KLRG2: variants seen among roughly 807,000 people sequenced by gnomAD.
KLRG2 encodes the protein killer cell lectin like receptor G2.
KLRG2 carries 39 observed loss-of-function variants against 35.4 expected under a neutral mutation model. The observed-to-expected ratio is 1.10, with a 90% CI of 0.85 to 1.44. The LOEUF (loss-of-function observed/expected upper bound fraction) is 1.44. Ranked by LOEUF, KLRG2 falls within the 40% of genes most tolerant of loss-of-function variation. The probability of loss-of-function intolerance (pLI) is 0.00; values close to 1 mark genes in which losing one functional copy is unlikely to be tolerated. For synonymous variants in KLRG2, 283 were observed against 265.8 expected (o/e 1.06, Z -0.63); for missense variants, 632 against 570.9 (o/e 1.11, Z -1.09).
chr7:139,429,518 C>T, the KLRG2 span, among the ~76,000 whole-genome samples: 5 of 151,770 alleles, frequency 3.3e-5, no homozygotes, highest in South Asian at 1.0e-3. Context: ...GAGGACCCTG[C>T]GGCCTTCCGC....
intron 3 of KLRG2, among the ~76,000 whole-genome samples, chr7:139,478,049 T>C (rs1443416104): frequency 1.4e-5 from 2 of 145,250 alleles, no homozygotes; most frequent in African/African-American, 2.5e-5. Flanking sequence ...TGAGCCACTG[T>C]GCCCGGCCCA....
intron 2 of KLRG2, 114 bp downstream of exon 2, chr7:139,480,032 C>T (rs547765319): frequency 5.2e-5 from 42 of 807,132 alleles, no homozygotes; most frequent in Non-Finnish European, 7.6e-5. Flanking sequence ...ACCATGTCTT[C>T]GTGTTGCATC....
At chr7:139,445,778 T>TACACACAC in the KLRG2 span, among the ~76,000 whole-genome samples, 1 of 119,598 alleles carries the variant, frequency 8.4e-6, no homozygotes, top group African/African-American at 6.5e-5. Context: ...TATATATATA[T>TACACACAC]ATGTATATAT....
chr7:139,482,018 C>T (rs117410928), intron 1 of KLRG2, among the ~76,000 whole-genome samples: 4,333 of 152,258 alleles, frequency 0.028, 98 homozygotes, highest in Non-Finnish European at 0.039. Context: ...TCTCCTTATC[C>T]AGGACAGTCT....
the KLRG2 span, among the ~76,000 whole-genome samples, chr7:139,447,402 C>CT: frequency 0.18 from 25,279 of 136,886 alleles, 2,466 homozygotes; most frequent in Middle Eastern, 0.27. Context: ...TTGGGTCATT[C>CT]TTTTTTTTTT....
In KLRG2 at chr7:139,483,221, G is replaced by A. The variant is rs774417845; in HGVS notation, c.422C>T (p.Thr141Met). The A allele has an allele frequency of 2.0e-6, 3 of 1,532,666 alleles. No individual in the cohort carries two copies. The highest frequency in any genetic ancestry group is 1.4e-5 in the African/African-American group (1 of 70,142). The allele number at this position is 1,532,666 out of a possible 1,614,324, so 94.9% of individuals were successfully genotyped here. ...KPVGAAGGSSTPSPRPSTRFL... is the reference protein window; with the variant it reads ...KPVGAAGGSSMPSPRPSTRFL... Reference sequence around the variant, plus strand: ...GCGCGTGGAGGGCCTGGGCGATGGCGTGCTGCTGCCACCGGCCGCGCCCAC... The same window carrying A: ...GCGCGTGGAGGGCCTGGGCGATGGCATGCTGCTGCCACCGGCCGCGCCCAC... Residue 141 changes from threonine to methionine, a missense_variant, in exon 1 of 5, where the codon ACG (threonine) becomes ATG (methionine). Transcript: ENST00000340940.
At chr7:139,453,843 A>G in intron 4 of KLRG2, 136 bp from the exon 5 acceptor site, 1 of 1,036,890 alleles carries the variant, frequency 9.6e-7, no homozygotes, top group Non-Finnish European at 1.4e-6. Context: ...CTGGTCAGCC[A>G]CGTGGCACTG....
At chr7:139,447,654 C>T in the KLRG2 span, among the ~76,000 whole-genome samples, 4 of 152,068 alleles carry the variant, frequency 2.6e-5, no homozygotes, top group Non-Finnish European at 5.9e-5. Context: ...CTGCCCACCT[C>T]GGCCTCCCAA....
chr7:139,466,446 T>G (rs1290166957), intron 3 of KLRG2, among the ~76,000 whole-genome samples: 3 of 152,080 alleles, frequency 2.0e-5, no homozygotes, highest in Admixed American at 6.6e-5. Flanking sequence ...TGGCTCCTGG[T>G]TTTACCTCAA....
At chr7:139,446,399 A>G in the KLRG2 span, among the ~76,000 whole-genome samples, 22 of 135,548 alleles carry the variant, frequency 1.6e-4, no homozygotes, top group African/African-American at 5.8e-4. Context: ...GCTGGAGTGC[A>G]GTAGCTCAGT....
intron 3 of KLRG2, 96 bp from the exon 4 acceptor site, chr7:139,454,310 G>T: frequency 1.5e-6 from 1 of 687,424 alleles, no homozygotes; most frequent in Non-Finnish European, 2.5e-6. Context: ...ATCCCAGCTG[G>T]CCAATCCAGA....
chr7:139,432,177 G>GATATTTA, the KLRG2 span, among the ~76,000 whole-genome samples: 1 of 151,990 alleles, frequency 6.6e-6, no homozygotes, highest in Admixed American at 6.6e-5. Context: ...GCAACAAAGG[G>GATATTTA]AGATCCTGTC....
intron 4 of KLRG2, 131 bp from the exon 5 acceptor site, chr7:139,453,838 C>T (rs1281597244): frequency 9.3e-7 from 1 of 1,079,458 alleles, no homozygotes; most frequent in East Asian, 2.6e-5. Context: ...CTGCACTGGT[C>T]AGCCACGTGG....
chr7:139,457,006 C>T lies in KLRG2; in HGVS notation c.1006-2792G>A, dbSNP rs1421451213. ...TGTATCCCAGAAGTGTCACGGAAAA[C>T]CCATCTTCTGCCCCTCAAGGTTAGC... On this transcript the variant is annotated intron_variant, in intron 3 of 4. Transcript: ENST00000340940. Among the ~76,000 whole-genome samples the T allele has an allele frequency of 2.0e-5, 3 of 152,186 alleles. No individual in the cohort carries two copies. The East Asian group carries it at 5.8e-4, about 29-fold the overall frequency.
downstream of KLRG2, among the ~76,000 whole-genome samples, chr7:139,449,962 A>C (rs957628624): frequency 6.6e-6 from 1 of 151,904 alleles, no homozygotes; most frequent in Non-Finnish European, 1.5e-5. Context: ...CGGCCTCCCA[A>C]AGTGCTGGGA....
rs1207663599 is a variant in KLRG2, at chr7:139,472,063, A to T, written c.1005+7564T>A. On this transcript the variant is annotated intron_variant, in intron 3 of 4. Coordinates refer to ENST00000340940, the MANE Select transcript of KLRG2 (RefSeq NM_198508.4). ...TGGACACCTAATCCTTCTGCAATGC[A>T]TGGCAGGCACTTCCAGGAACAATCC... 2.6e-5 allele frequency among the ~76,000 whole-genome samples: 4 copies of T among 152,202 alleles called. No homozygotes were observed. The East Asian group carries it at 7.7e-4, about 29-fold the overall frequency.
At chr7:139,441,175 G>A in the KLRG2 span, among the ~76,000 whole-genome samples, 5 of 152,290 alleles carry the variant, frequency 3.3e-5, no homozygotes, top group African/African-American at 7.2e-5. Context: ...ACAAGCACAC[G>A]TATGTTTATT....
rs1275201372 is a variant in KLRG2, at chr7:139,453,584, A to G, written c.*3T>C. On this transcript the variant is annotated 3_prime_UTR_variant, in exon 5 of 5. Coordinates refer to ENST00000340940, the MANE Select transcript of KLRG2 (RefSeq NM_198508.4). ...GCAGGCTGAGGACCAGGCAGAGCCC[A>G]GATCACTGGGTCCCCTTGGCACAGA... The G allele has an allele frequency of 1.9e-6, 3 of 1,592,754 alleles. No homozygotes were observed. In the East Asian group the frequency reaches 6.8e-5, roughly 36 times the overall value.
Position 139,483,118 on chromosome 7 carries a change from T to A in KLRG2, c.525A>T (p.Ala175=), listed in dbSNP as rs1796995242. 1 of 1,476,730 alleles carries A rather than the reference T, an allele frequency of 6.8e-7. No individual in the cohort carries two copies. The highest frequency in any genetic ancestry group is 1.3e-5 in the South Asian group (1 of 76,962). 91.5% of individuals were successfully genotyped at this position (1,476,730 alleles called of 1,614,324 possible). A position where few individuals can be genotyped will look rare whatever the true frequency, so the allele number is the denominator to read the frequency against. Residue 175 remains alanine (A), a synonymous_variant, in exon 1 of 5, where the codon GCA becomes GCT. Coordinates refer to ENST00000340940, the MANE Select transcript of KLRG2 (RefSeq NM_198508.4). The part of the protein sequence containing the change: ...ADPAHQLLLR[A]PSQGGTWGRR... ...GGCCCCACGTGCCGCCCTGGGATGG[T>A]GCGCGCAGCAGGAGCTGGTGCGCCG...
Sources: gnomAD v4.1 joint callset for allele counts (sites outside exome capture counted in the v4.1 genomes callset) on GRCh38, gnomAD v4.1.1 for gene constraint, MANE v1.5 for transcripts, NCBI Gene and HGNC (gene_info 2026-07-23, HGNC 2026-07-21) for gene names.